The following HEATR1 variants were observed in gnomAD, a reference collection of about 807,000 sequenced individuals.
HEATR1 encodes HEAT repeat-containing protein 1.
HEATR1 carries 77 observed loss-of-function variants against 248.2 expected under a neutral mutation model. That is an observed-to-expected ratio of 0.31 (90% CI 0.26 to 0.37). HEATR1 has a LOEUF of 0.37. Among genes scored for constraint, HEATR1 ranks in the 10% least tolerant of loss-of-function variants. HEATR1 has a pLI of 1.00. For missense variants in HEATR1, 2,420 were observed against 2,504.9 expected (o/e 0.97, Z 0.72); for synonymous variants, 897 against 923.1 (o/e 0.97, Z 0.51).
intron 6 of HEATR1, among the ~76,000 whole-genome samples, chr1:236,596,525 T>G (rs2853585): frequency 6.6e-6 from 1 of 152,006 alleles, no homozygotes; most frequent in Admixed American, 6.5e-5. Flanking sequence ...TACTGAGAGG[T>G]TGCTTACGCC....
At chr1:236,561,400 T>C in intron 32 of HEATR1, 129 bp from the exon 33 acceptor site, 1 of 734,968 alleles carries the variant, frequency 1.4e-6, no homozygotes, top group Non-Finnish European at 2.4e-6. Flanking sequence ...ACATTACAAT[T>C]TAATCAGGTT....
At chr1:236,553,850 C>A in intron 42 of HEATR1, 111 bp from the exon 43 acceptor site, 2 of 1,163,846 alleles carry the variant, frequency 1.7e-6, no homozygotes, top group South Asian at 1.6e-5. Flanking sequence ...TTAGCAGGTT[C>A]AAAAACCAGG....
In HEATR1 at chr1:236,593,584, G is replaced by GAAAAA. The variant is rs534009257; in HGVS notation, c.1193+423_1193+427dup. On this transcript the variant is annotated intron_variant, in intron 9 of 44. Coordinates refer to ENST00000366582, the MANE Select transcript of HEATR1 (RefSeq NM_018072.6). ...CACTGTATCGAGTTGCCCATTAAGA[G>GAAAAA]AAAAAAAAAAAAAAAAAAAAAAAGA... Among the ~76,000 whole-genome samples the GAAAAA allele has an allele frequency of 3.0e-3, 270 of 90,822 alleles. 4 individuals carry two copies. The highest frequency in any genetic ancestry group is 5.5e-3 in the Middle Eastern group (1 of 182). 59.6% of individuals were successfully genotyped at this position (90,822 alleles called of 152,430 possible).
At position 236,571,340 on chromosome 1, in the gene HEATR1, T is replaced by C. The variant is rs750455105; in HGVS notation, c.3948+11A>G. On this transcript the variant is annotated intron_variant, in intron 28 of 44. Coordinates refer to ENST00000366582, the MANE Select transcript of HEATR1 (RefSeq NM_018072.6). The stretch of plus-strand genomic sequence containing the variant: ...AAATATCTGCTAAAATCTTATATCA[T>C]TAACGCTTACCGGAAATATTCCAGC... 6 of 1,586,868 alleles carry C rather than the reference T, an allele frequency of 3.8e-6. No individual in the cohort carries two copies. The Admixed American group carries it at 8.0e-5, about 21-fold the overall frequency.
At chr1:236,599,998 T>C (rs1334107641) in intron 3 of HEATR1, among the ~76,000 whole-genome samples, 1 of 151,614 alleles carries the variant, frequency 6.6e-6, no homozygotes, top group African/African-American at 2.4e-5. Context: ...GCTCAAATGA[T>C]CCTCCCACCT....
intron 22 of HEATR1, among the ~76,000 whole-genome samples, chr1:236,575,413 C>A (rs1253172660): frequency 6.6e-6 from 1 of 152,018 alleles, no homozygotes; most frequent in Non-Finnish European, 1.5e-5. Flanking sequence ...TTGTTTACAC[C>A]CTGTCTGTGG....
intron 17 of HEATR1, among the ~76,000 whole-genome samples, chr1:236,584,761 A>G (rs1426917104): frequency 1.3e-5 from 2 of 152,218 alleles, no homozygotes; most frequent in Non-Finnish European, 2.9e-5. Flanking sequence ...TAATTATCCA[A>G]TAAAGACAAT....
intron 28 of HEATR1, among the ~76,000 whole-genome samples, chr1:236,569,820 A>C (rs911862391): frequency 6.6e-6 from 1 of 152,222 alleles, no homozygotes; most frequent in Non-Finnish European, 1.5e-5. Context: ...TCCACACAAA[A>C]CCATGTCTAC....
intron 14 of HEATR1, 118 bp from the exon 15 acceptor site, chr1:236,586,570 C>T (rs1316104236): frequency 1.5e-6 from 1 of 656,928 alleles, no homozygotes; most frequent in Non-Finnish European, 2.7e-6. Flanking sequence ...CTGACCAAAA[C>T]TATTATTCAG....
At chr1:236,584,424 G>T (rs1013556693) in intron 17 of HEATR1, among the ~76,000 whole-genome samples, 14 of 152,072 alleles carry the variant, frequency 9.2e-5, no homozygotes, top group Admixed American at 5.2e-4. Flanking sequence ...ATGTGAAAAA[G>T]ATATAATTCA....
intron 20 of HEATR1, 48 bp from the exon 21 acceptor site, chr1:236,576,997 A>G: frequency 6.9e-7 from 1 of 1,446,468 alleles, no homozygotes; most frequent in Middle Eastern, 1.9e-4. Flanking sequence ...TAAAAACTGA[A>G]ACAGTACAAA....
intron 36 of HEATR1, 78 bp from the exon 37 acceptor site, chr1:236,557,423 A>G: frequency 2.1e-6 from 3 of 1,461,806 alleles, no homozygotes; most frequent in Non-Finnish European, 2.8e-6. Context: ...GCATTATGAA[A>G]AAAACCAGCA....
In HEATR1 at chr1:236,554,672, T is replaced by C. The variant is rs377069832; in HGVS notation, c.6004A>G (p.Ile2002Val). The change falls in exon 42 of 45, where the codon ATC (isoleucine) becomes GTC (valine). Residue 2002 changes from isoleucine (I) to valine (V), a missense_variant. Physicochemically the swap from Ile to Val is conservative, Grantham distance 29 (BLOSUM62 3). Transcript: ENST00000366582. ...LQFILNCLYK[I>V]FLFDTQHFIS... ...AAATGCTGGGTATCAAAAAGGAAGA[T>C]TTTGTATAAACAGTTCAAAATAAAC... is the stretch of plus-strand genomic sequence containing the variant. 1.2e-6 allele frequency: 2 copies of C among 1,613,450 alleles called. No individual in the cohort carries two copies. The highest frequency in any genetic ancestry group is 1.3e-5 in the African/African-American group (1 of 74,898).
chr1:236,598,680 A>G (rs1251525236), intron 4 of HEATR1, among the ~76,000 whole-genome samples: 1 of 152,186 alleles, frequency 6.6e-6, no homozygotes, highest in African/African-American at 2.4e-5. Flanking sequence ...TTCTAATTAA[A>G]AAGTCCTCAT....
At chr1:236,565,006 T>C (rs963182626) in intron 31 of HEATR1, among the ~76,000 whole-genome samples, 1 of 152,172 alleles carries the variant, frequency 6.6e-6, no homozygotes, top group African/African-American at 2.4e-5. Flanking sequence ...GTAAATGGGG[T>C]TGGCAGTGCA....
chr1:236,566,616 T>C (rs780303331), intron 30 of HEATR1, 30 bp downstream of exon 30: 1 of 1,492,966 alleles, frequency 6.7e-7, no homozygotes, highest in Non-Finnish European at 9.3e-7. Flanking sequence ...AAATCACCAT[T>C]TTCCTTATCT....
chr1:236,577,922 A>G (rs977702344), intron 20 of HEATR1, among the ~76,000 whole-genome samples: 52 of 152,214 alleles, frequency 3.4e-4, no homozygotes, highest in African/African-American at 1.3e-3. Context: ...CTGCACATAC[A>G]GCCTTGTACA....
intron 24 of HEATR1, 47 bp downstream of exon 24, chr1:236,574,155 A>G (rs375752182): frequency 1.6e-4 from 237 of 1,527,350 alleles, no homozygotes; most frequent in Admixed American, 2.6e-4. Flanking sequence ...CCCTTGGAAG[A>G]GACTATAAAC....
intron 20 of HEATR1, among the ~76,000 whole-genome samples, chr1:236,577,352 T>A (rs959169481): frequency 1.3e-4 from 20 of 152,328 alleles, no homozygotes; most frequent in Admixed American, 7.8e-4. Context: ...GGTTTCACCA[T>A]GTTGGCCAGG....
Sources: allele counts gnomAD v4.1 joint callset (sites outside exome capture counted in the v4.1 genomes callset), GRCh38; gene constraint gnomAD v4.1.1; transcripts MANE v1.5; gene names NCBI Gene and HGNC (gene_info 2026-07-23, HGNC 2026-07-21).